The following NKAIN2 variants were observed in gnomAD, a reference collection of about 807,000 sequenced individuals.
The protein encoded by NKAIN2 is sodium/potassium transporting ATPase interacting 2.
NKAIN2 carries 14 observed loss-of-function variants against 32.6 expected under a neutral mutation model. The ratio of observed to expected loss-of-function variants is 0.43; its 90% CI spans 0.28 to 0.67. NKAIN2 has a LOEUF of 0.67. Among genes scored for constraint, NKAIN2 ranks in the 30% least tolerant of loss-of-function variants. NKAIN2 has a pLI of 0.17. For synonymous variants in NKAIN2, 80 were observed against 87.2 expected (o/e 0.92, Z 0.46); for missense variants, 198 against 258.3 (o/e 0.77, Z 1.60).
intron 3 of NKAIN2, among the ~76,000 whole-genome samples, chr6:124,639,205 ATTC>A (rs1783893093): frequency 6.6e-6 from 1 of 152,180 alleles, no homozygotes; most frequent in South Asian, 2.1e-4. Flanking sequence ...ACTACCAACA[ATTC>A]TTCTACTGGG....
At chr6:124,378,269 G>T (rs187286438) in intron 3 of NKAIN2, among the ~76,000 whole-genome samples, 4 of 152,136 alleles carry the variant, frequency 2.6e-5, no homozygotes, top group African/African-American at 9.7e-5. Context: ...GGCAGCAAGG[G>T]ACAGCAAAAG....
At chr6:124,029,333 A>G (rs1389335309) in intron 1 of NKAIN2, among the ~76,000 whole-genome samples, 1 of 151,844 alleles carries the variant, frequency 6.6e-6, no homozygotes, top group Non-Finnish European at 1.5e-5. Flanking sequence ...TACACTTACA[A>G]TCCTTCTGGA....
intron 1 of NKAIN2, among the ~76,000 whole-genome samples, chr6:123,842,847 C>T (rs929253380): frequency 1.3e-5 from 2 of 152,094 alleles, no homozygotes; most frequent in East Asian, 1.9e-4. Flanking sequence ...GAGTGAGGCT[C>T]CTTCCTCTTA....
intron 3 of NKAIN2, among the ~76,000 whole-genome samples, chr6:124,436,363 C>A (rs1009874646): frequency 6.6e-6 from 1 of 152,100 alleles, no homozygotes; most frequent in African/African-American, 2.4e-5. Flanking sequence ...CCAATTAAAG[C>A]AGCACTCACA....
At chr6:123,828,288 A>AT (rs1774235233) in intron 1 of NKAIN2, among the ~76,000 whole-genome samples, 1 of 152,154 alleles carries the variant, frequency 6.6e-6, no homozygotes, top group African/African-American at 2.4e-5. Flanking sequence ...ATGAATGCAC[A>AT]TTTTTGGAAT....
chr6:124,587,146 A>G (rs567901093), intron 3 of NKAIN2, among the ~76,000 whole-genome samples: 1 of 152,176 alleles, frequency 6.6e-6, no homozygotes, highest in Non-Finnish European at 1.5e-5. Context: ...ACTTTGGTAG[A>G]TGTAAATTAT....
chr6:124,463,090 A>G (rs1776597334), intron 3 of NKAIN2, among the ~76,000 whole-genome samples: 1 of 152,090 alleles, frequency 6.6e-6, no homozygotes, highest in African/African-American at 2.4e-5. Flanking sequence ...AATCTGAATC[A>G]GTTACCATTC....
At chr6:124,685,268 A>G (rs572706262) in intron 4 of NKAIN2, among the ~76,000 whole-genome samples, 9 of 152,306 alleles carry the variant, frequency 5.9e-5, no homozygotes, top group Non-Finnish European at 1.2e-4. Context: ...TACCTATTTT[A>G]GTTTCTGTGA....
chr6:124,769,079 AATC>A (rs2114754642), intron 4 of NKAIN2, among the ~76,000 whole-genome samples: 1 of 152,320 alleles, frequency 6.6e-6, no homozygotes, highest in Admixed American at 6.5e-5. Context: ...TAGCATTTAT[AATC>A]AACTGCTTCA....
chr6:124,519,507 G>T (rs1331066922), intron 3 of NKAIN2, among the ~76,000 whole-genome samples: 1 of 152,122 alleles, frequency 6.6e-6, no homozygotes, highest in East Asian at 1.9e-4. Context: ...TTATATTCGA[G>T]ATATAGAAAT....
intron 3 of NKAIN2, among the ~76,000 whole-genome samples, chr6:124,560,454 G>A (rs1436346387): frequency 1.3e-5 from 2 of 152,172 alleles, no homozygotes; most frequent in Non-Finnish European, 2.9e-5. Context: ...GTTTTGCAGT[G>A]CAAGAACGAA....
chr6:124,145,740 C>G (rs546770570), intron 1 of NKAIN2, among the ~76,000 whole-genome samples: 1 of 152,014 alleles, frequency 6.6e-6, no homozygotes, highest in African/African-American at 2.4e-5. Flanking sequence ...CTCATGACCT[C>G]GTGATCCACC....
chr6:124,594,288 A>G (rs1782008630), intron 3 of NKAIN2, among the ~76,000 whole-genome samples: 1 of 152,242 alleles, frequency 6.6e-6, no homozygotes, highest in Admixed American at 6.5e-5. Flanking sequence ...ATCGAATCAA[A>G]AAACAAATCC....
At chr6:124,794,621 C>T (rs1779918404) in intron 5 of NKAIN2, among the ~76,000 whole-genome samples, 1 of 152,098 alleles carries the variant, frequency 6.6e-6, no homozygotes, top group Non-Finnish European at 1.5e-5. Context: ...AATTTTTATA[C>T]ACAAGTAGAC....
chr6:124,247,823 T>C (rs1793491015), intron 1 of NKAIN2, among the ~76,000 whole-genome samples: 1 of 152,116 alleles, frequency 6.6e-6, no homozygotes. Flanking sequence ...GTGGACTGAA[T>C]TTTTTCACAT....
At chr6:124,605,237 A>G (rs1782454652) in intron 3 of NKAIN2, among the ~76,000 whole-genome samples, 1 of 152,078 alleles carries the variant, frequency 6.6e-6, no homozygotes, top group South Asian at 2.1e-4. Flanking sequence ...TGTTACTTTT[A>G]TTCGCTGGGT....
intron 3 of NKAIN2, among the ~76,000 whole-genome samples, chr6:124,426,715 C>T (rs1452619232): frequency 2.6e-5 from 4 of 152,110 alleles, no homozygotes; most frequent in Non-Finnish European, 5.9e-5. Context: ...CCACCCAAAT[C>T]TCATCTTGAA....
intron 1 of NKAIN2, among the ~76,000 whole-genome samples, chr6:124,065,739 G>A (rs181487065): frequency 6.6e-6 from 1 of 152,212 alleles, no homozygotes; most frequent in Admixed American, 6.5e-5. Flanking sequence ...AAGACAAACT[G>A]TCTCTTCCAT....
chr6:124,590,474 T>C, intron 3 of NKAIN2, among the ~76,000 whole-genome samples: 1 of 152,140 alleles, frequency 6.6e-6, no homozygotes, highest in Non-Finnish European at 1.5e-5. Context: ...TCAGGAAACA[T>C]ACTGAGATCT....
Sources: allele counts gnomAD v4.1 joint callset (sites outside exome capture counted in the v4.1 genomes callset), GRCh38; gene constraint gnomAD v4.1.1; transcripts MANE v1.5; gene names NCBI Gene and HGNC (gene_info 2026-07-23, HGNC 2026-07-21).